AGMO: variants seen among roughly 807,000 people sequenced by gnomAD.
The protein encoded by AGMO is alkylglycerol monooxygenase, also known as glyceryl-ether monooxygenase.
In AGMO, 75 loss-of-function variants were observed where a neutral mutation model predicts 60.2. The observed-to-expected ratio is 1.25, with a 90% CI of 1.03 to 1.51. AGMO has a LOEUF of 1.51. Among genes scored for constraint, AGMO ranks in the 40% most tolerant of loss-of-function variants. The probability of loss-of-function intolerance (pLI) is 0.00; values close to 1 mark genes in which losing one functional copy is unlikely to be tolerated. For missense variants in AGMO, 763 were observed against 525.5 expected (o/e 1.45, Z -4.42); for synonymous variants, 261 against 177.1 (o/e 1.47, Z -3.76).
At chr7:15,328,264 G>C (rs541442752) in intron 12 of AGMO, among the ~76,000 whole-genome samples, 12 of 151,964 alleles carry the variant, frequency 7.9e-5, no homozygotes, top group Non-Finnish European at 1.2e-4. Context: ...CACCCGGCTA[G>C]TTTTGTATTT....
At chr7:15,206,921 C>CA (rs1278511422) in intron 12 of AGMO, among the ~76,000 whole-genome samples, 2 of 152,106 alleles carry the variant, frequency 1.3e-5, no homozygotes, top group Admixed American at 1.3e-4. Flanking sequence ...ATTAGAGTAA[C>CA]AAAAAGTACT....
intron 3 of AGMO, among the ~76,000 whole-genome samples, chr7:15,459,923 A>G (rs1230836911): frequency 2.0e-5 from 3 of 151,984 alleles, no homozygotes; most frequent in East Asian, 1.9e-4. Flanking sequence ...CTGTATTGAG[A>G]TTAAGATTTA....
At chr7:15,376,536 C>T (rs1249105562) in intron 10 of AGMO, among the ~76,000 whole-genome samples, 4 of 151,966 alleles carry the variant, frequency 2.6e-5, no homozygotes, top group Non-Finnish European at 4.4e-5. Context: ...CTCTCAGATG[C>T]CCTGTAACTT....
At chr7:15,428,477 G>C (rs1781132136) in intron 4 of AGMO, among the ~76,000 whole-genome samples, 1 of 152,120 alleles carries the variant, frequency 6.6e-6, no homozygotes. Flanking sequence ...TAAAACAAGT[G>C]TGAGTCTCAT....
At chr7:15,399,320 A>G (rs755628151) in intron 5 of AGMO, among the ~76,000 whole-genome samples, 2 of 152,136 alleles carry the variant, frequency 1.3e-5, no homozygotes, top group Non-Finnish European at 2.9e-5. Flanking sequence ...TTATATACTG[A>G]AAAGGAAACA....
chr7:15,483,675 T>C (rs1052666462), intron 3 of AGMO, among the ~76,000 whole-genome samples: 1 of 152,164 alleles, frequency 6.6e-6, no homozygotes, highest in African/African-American at 2.4e-5. Context: ...GAAGGAATTA[T>C]TGAAAAAATA....
At chr7:15,254,043 G>C (rs990148747) in intron 12 of AGMO, among the ~76,000 whole-genome samples, 4 of 151,944 alleles carry the variant, frequency 2.6e-5, no homozygotes, top group African/African-American at 9.7e-5. Flanking sequence ...AAATATGATA[G>C]AATTTTATCA....
chr7:15,210,181 A>G (rs1332149736), intron 12 of AGMO, among the ~76,000 whole-genome samples: 3 of 152,210 alleles, frequency 2.0e-5, no homozygotes, highest in Non-Finnish European at 4.4e-5. Context: ...ATGAAATAAG[A>G]TTAAAGTGTG....
chr7:15,494,695 T>C (rs1296399796), intron 3 of AGMO, among the ~76,000 whole-genome samples: 1 of 152,224 alleles, frequency 6.6e-6, no homozygotes, highest in African/African-American at 2.4e-5. Context: ...GAATAGGAAT[T>C]GCCTAATGCA....
the AGMO span, among the ~76,000 whole-genome samples, chr7:15,187,983 T>A: frequency 7.2e-5 from 11 of 152,232 alleles, no homozygotes; most frequent in Middle Eastern, 3.4e-3. Context: ...TGACATTATG[T>A]CTTTCCAGAC....
At chr7:15,360,567 T>C (rs1477274198) in intron 12 of AGMO, among the ~76,000 whole-genome samples, 1 of 152,106 alleles carries the variant, frequency 6.6e-6, no homozygotes, top group Non-Finnish European at 1.5e-5. Context: ...ATCATCTTCA[T>C]GTTAAGTAGT....
rs759205086 is a variant in AGMO, at chr7:15,307,623, T to C, written c.1263+57891A>G. On this transcript the variant is annotated intron_variant, in intron 12 of 12. Transcript: ENST00000342526. ...AACAATAAAACATTTCCCAAGGTGA[T>C]TGCTTCTATGCATATAGTTTCAATT... 7.0e-4 allele frequency among the ~76,000 whole-genome samples: 107 copies of C among 152,128 alleles called. 1 individual carries two copies. Among genetic ancestry groups the C allele is most frequent in the Non-Finnish European group, 1.3e-3 (85 of 67,952 alleles).
chr7:15,338,020 T>C (rs953323988), intron 12 of AGMO, among the ~76,000 whole-genome samples: 2 of 152,200 alleles, frequency 1.3e-5, no homozygotes, highest in Admixed American at 1.3e-4. Context: ...ACCAAAACTT[T>C]ATCTCAGGTG....
At chr7:15,273,243 G>A (rs1783670712) in intron 12 of AGMO, among the ~76,000 whole-genome samples, 1 of 152,062 alleles carries the variant, frequency 6.6e-6, no homozygotes, top group Non-Finnish European at 1.5e-5. Flanking sequence ...TTTCCTTCTA[G>A]GATTTTTATG....
At chr7:15,203,506 TG>T (rs1781359609) in intron 12 of AGMO, among the ~76,000 whole-genome samples, 2 of 151,666 alleles carry the variant, frequency 1.3e-5, no homozygotes, top group East Asian at 3.9e-4. Context: ...TCTTTTTTTT[TG>T]TTTTTTTTTT....
At chr7:15,274,695 CT>C (rs549793677) in intron 12 of AGMO, among the ~76,000 whole-genome samples, 241 of 135,650 alleles carry the variant, frequency 1.8e-3, no homozygotes, top group Non-Finnish European at 2.0e-3. Context: ...TGGTGATGGG[CT>C]TTTTTTTTTT....
At chr7:15,446,771 C>G (rs1375284570) in intron 3 of AGMO, among the ~76,000 whole-genome samples, 1 of 152,072 alleles carries the variant, frequency 6.6e-6, no homozygotes, top group Non-Finnish European at 1.5e-5. Flanking sequence ...GATAATGCCT[C>G]GTTTGTTCTT....
chr7:15,151,259 T>C, the AGMO span, among the ~76,000 whole-genome samples: 1 of 152,138 alleles, frequency 6.6e-6, no homozygotes, highest in African/African-American at 2.4e-5. Context: ...TCTTATTTAT[T>C]CATTCAAAGA....
At chr7:15,398,624 C>T (rs1237857441) in intron 5 of AGMO, among the ~76,000 whole-genome samples, 1 of 152,136 alleles carries the variant, frequency 6.6e-6, no homozygotes, top group Non-Finnish European at 1.5e-5. Context: ...GGCAATTCGA[C>T]GACGTCTAGC....
Sources: allele counts gnomAD v4.1 joint callset (sites outside exome capture counted in the v4.1 genomes callset), GRCh38; gene constraint gnomAD v4.1.1; transcripts MANE v1.5; gene names NCBI Gene and HGNC (gene_info 2026-07-23, HGNC 2026-07-21).